The following PRKCE variants were observed in gnomAD, a reference collection of about 807,000 sequenced individuals.
PRKCE encodes protein kinase C epsilon type.
In PRKCE, 16 loss-of-function variants were observed where a neutral mutation model predicts 85.4. That is an observed-to-expected ratio of 0.19 (90% CI 0.13 to 0.28). The LOEUF (loss-of-function observed/expected upper bound fraction) is 0.28. PRKCE is among the 10% of genes least tolerant of loss of function. The probability of loss-of-function intolerance (pLI) is 1.00; values close to 1 mark genes in which losing one functional copy is unlikely to be tolerated. For missense variants in PRKCE, 573 were observed against 975.2 expected, an observed-to-expected ratio of 0.59 and a Z score of 5.49; for synonymous variants, 388 against 371.5, an observed-to-expected ratio of 1.04 and a Z score of -0.51.
intron 11 of PRKCE, among the ~76,000 whole-genome samples, chr2:46,094,765 C>T (rs1670517631): frequency 6.6e-6 from 1 of 150,610 alleles, no homozygotes; most frequent in Non-Finnish European, 1.5e-5. Context: ...CAAACATGCA[C>T]ATCCTGCATA....
At chr2:45,843,780 TGGAATTC>T (rs1353046436) in intron 2 of PRKCE, among the ~76,000 whole-genome samples, 1 of 152,328 alleles carries the variant, frequency 6.6e-6, no homozygotes, top group African/African-American at 2.4e-5. Flanking sequence ...AAGAAAGATT[TGGAATTC>T]GGACTGAAAT....
intron 10 of PRKCE, among the ~76,000 whole-genome samples, chr2:46,018,480 AT>A (rs199865554): frequency 6.6e-6 from 1 of 151,832 alleles, no homozygotes; most frequent in African/African-American, 2.4e-5. Context: ...AAAAAAAAAA[AT>A]TTTTTTAAAA....
chr2:45,706,760 T>C (rs755571405), intron 1 of PRKCE, among the ~76,000 whole-genome samples: 1 of 152,170 alleles, frequency 6.6e-6, no homozygotes. Context: ...TGTAAGAGAA[T>C]CTAAGAATAC....
chr2:46,050,531 G>C (rs1297814079), intron 10 of PRKCE, among the ~76,000 whole-genome samples: 1 of 152,122 alleles, frequency 6.6e-6, no homozygotes, highest in African/African-American at 2.4e-5. Flanking sequence ...CTCTCTCCTT[G>C]TCCCTCCCTT....
chr2:45,945,892 C>T lies in PRKCE; in HGVS notation c.413-30537C>T, dbSNP rs149905989. Among the ~76,000 whole-genome samples the T allele has an allele frequency of 3.3e-4, 51 of 152,336 alleles. No homozygotes were observed. In the South Asian group the frequency reaches 5.4e-3, roughly 16 times the overall value. ...GACCATTTGAAGGACTTCTCTATCTCCTTAAAAGACACCACATGAATGGCC... is the reference window on the plus strand; with the variant it reads ...GACCATTTGAAGGACTTCTCTATCTTCTTAAAAGACACCACATGAATGGCC... On this transcript the variant is annotated intron_variant, in intron 2 of 14. Coordinates refer to ENST00000306156, the MANE Select transcript of PRKCE (RefSeq NM_005400.3).
At chr2:45,799,482 G>T (rs1687690743) in intron 1 of PRKCE, among the ~76,000 whole-genome samples, 1 of 152,120 alleles carries the variant, frequency 6.6e-6, no homozygotes, top group Non-Finnish European at 1.5e-5. Flanking sequence ...AAGCCCAGGA[G>T]TTGGAGGCTG....
At chr2:45,952,922 T>C (rs961299615) in intron 2 of PRKCE, among the ~76,000 whole-genome samples, 40 of 152,178 alleles carry the variant, frequency 2.6e-4, no homozygotes, top group African/African-American at 9.7e-4. Context: ...AAACTATAGA[T>C]CACAGTATGA....
intron 1 of PRKCE, among the ~76,000 whole-genome samples, chr2:45,794,072 C>T (rs1266846062): frequency 6.6e-6 from 1 of 152,158 alleles, no homozygotes; most frequent in Non-Finnish European, 1.5e-5. Context: ...GCCCTGGGAC[C>T]CCAGCTAGAG....
chr2:46,150,141 C>T (rs1055930414), intron 12 of PRKCE, among the ~76,000 whole-genome samples: 14 of 152,262 alleles, frequency 9.2e-5, no homozygotes, highest in African/African-American at 2.9e-4. Flanking sequence ...TGAGCCATTG[C>T]GCCCAGCCAG....
chr2:46,146,893 A>G (rs1052124512), intron 12 of PRKCE, among the ~76,000 whole-genome samples: 4 of 152,172 alleles, frequency 2.6e-5, no homozygotes, highest in Admixed American at 2.0e-4. Context: ...TGGGATAAAG[A>G]CCCAGTGAAT....
Position 45,877,715 on chromosome 2 carries a change from T to G in PRKCE, c.412+34652T>G, listed in dbSNP as rs986609457. ...TAATGCCAACACCTGAAGTCTTTTG[T>G]TGTTCTTATGGTTTTCAGCTGGTTC... On this transcript the variant is annotated intron_variant, in intron 2 of 14. Transcript: ENST00000306156. Among the ~76,000 whole-genome samples the G allele has an allele frequency of 3.3e-5, 5 of 151,098 alleles. No homozygotes were observed. In the East Asian group the frequency reaches 1.0e-3, roughly 30 times the overall value.
In PRKCE at chr2:46,184,990, C is replaced by T. The variant is rs1680351014; in HGVS notation, c.*109C>T. 2 of 1,413,402 alleles carry T rather than the reference C, an allele frequency of 1.4e-6. No individual in the cohort carries two copies. The highest frequency in any genetic ancestry group is 1.9e-6 in the Non-Finnish European group (2 of 1,039,544). 87.6% of individuals were successfully genotyped at this position (1,413,402 alleles called of 1,614,324 possible). A position where few individuals can be genotyped will look rare whatever the true frequency, so the allele number is the denominator to read the frequency against. ...GAACTACTTCTCCTCCTCGGAGCCC[C>T]AGTCCCATGTCCACTGTCTATTTAT... On this transcript the variant is annotated 3_prime_UTR_variant, in exon 15 of 15. Transcript: ENST00000306156. The surrounding 1 kb of genome is among the most constrained non-coding windows in gnomAD (Gnocchi z 5.0).
intron 10 of PRKCE, among the ~76,000 whole-genome samples, chr2:46,024,322 T>G (rs1706926828): frequency 6.6e-6 from 1 of 151,796 alleles, no homozygotes; most frequent in African/African-American, 2.4e-5. Flanking sequence ...TTTTTTTTTT[T>G]GCAGAGGCAA....
chr2:46,049,106 G>T (rs1027596062), intron 10 of PRKCE, among the ~76,000 whole-genome samples: 40 of 152,304 alleles, frequency 2.6e-4, no homozygotes, highest in African/African-American at 9.1e-4. Context: ...AGAATTGAAA[G>T]GCAGGAAGGA....
chr2:46,001,434 A>G lies in PRKCE; in HGVS notation c.854A>G (p.Glu285Gly), dbSNP rs562877061. ...VCKMNVHRRC[E>G]TNVAPNCGVD... ...AAAATGAATGTTCACCGTCGATGTG[A>G]GACCAACGTGGCTCCCAACTGTGGA... The change falls in exon 7 of 15, where the codon GAG becomes GGG. Residue 285 changes from glutamate (E) to glycine (G), a missense_variant. Around this residue, in one of 11 missense-constraint regions of PRKCE, gnomAD observed 55 missense variants for 128.1 expected, o/e 0.43. Transcript: ENST00000306156. This position sits in a 1 kb window ranked among gnomAD's most constrained non-coding sequence, Gnocchi z 4.4. 1 of 1,599,208 alleles carries G rather than the reference A, an allele frequency of 6.3e-7. No homozygotes were observed. Among genetic ancestry groups the G allele is most frequent in the East Asian group, 2.2e-5 (1 of 44,864 alleles).
At chr2:46,121,847 G>A (rs182530585) in intron 11 of PRKCE, among the ~76,000 whole-genome samples, 176 of 152,288 alleles carry the variant, frequency 1.2e-3, no homozygotes, top group Middle Eastern at 0.01. Context: ...AGAAAAGACA[G>A]CACTGTTCTT....
At chr2:46,120,023 C>T (rs1335999836) in intron 11 of PRKCE, among the ~76,000 whole-genome samples, 1 of 152,130 alleles carries the variant, frequency 6.6e-6, no homozygotes, top group Non-Finnish European at 1.5e-5. Flanking sequence ...GTCTGTTAAG[C>T]CCTGGGGCTC....
Position 46,184,973 on chromosome 2 carries a change from TCTC to T in PRKCE, c.*99_*101del. On this transcript the variant is annotated 3_prime_UTR_variant, in exon 15 of 15. Coordinates refer to ENST00000306156, the MANE Select transcript of PRKCE (RefSeq NM_005400.3). The surrounding 1 kb of genome is among the most constrained non-coding windows in gnomAD (Gnocchi z 5.0). ...GACACTCAGCAGGTCTTGAACTACT[TCTC>T]CTCCTCGGAGCCCCAGTCCCATGTC... 2.7e-6 allele frequency: 4 copies of T among 1,505,260 alleles called. No individual in the cohort carries two copies. Among genetic ancestry groups the T allele is most frequent in the Non-Finnish European group, 3.6e-6 (4 of 1,114,310 alleles). 93.2% of individuals were successfully genotyped at this position (1,505,260 alleles called of 1,614,324 possible).
intron 10 of PRKCE, among the ~76,000 whole-genome samples, chr2:46,050,762 G>A (rs1020044700): frequency 6.6e-6 from 1 of 152,178 alleles, no homozygotes; most frequent in Non-Finnish European, 1.5e-5. Context: ...CCCCAGCCAC[G>A]TCCTGGGAAT....
Sources: gnomAD v4.1 joint callset for allele counts (sites outside exome capture counted in the v4.1 genomes callset) on GRCh38, gnomAD v4.1.1 for gene constraint, gnomAD v4.1.1 regional missense constraint, Gnocchi (gnomAD v3.1) non-coding constraint, MANE v1.5 for transcripts, NCBI Gene and HGNC (gene_info 2026-07-23, HGNC 2026-07-21) for gene names.